PLCB1: variants seen among roughly 807,000 people sequenced by gnomAD.
PLCB1 encodes 1-phosphatidylinositol 4,5-bisphosphate phosphodiesterase beta-1.
PLCB1 carries 46 observed loss-of-function variants against 161.8 expected under a neutral mutation model. The observed-to-expected ratio is 0.28, with a 90% CI of 0.22 to 0.36. PLCB1 has a LOEUF of 0.36. Ranked by LOEUF, PLCB1 falls within the 10% of genes least tolerant of loss-of-function variation. PLCB1 has a pLI of 1.00. For synonymous variants in PLCB1, 517 were observed against 503.7 expected (o/e 1.03, Z -0.35); for missense variants, 1,016 against 1,472.5 (o/e 0.69, Z 5.07).
At chr20:8,509,751 TA>T (rs879622940) in intron 3 of PLCB1, among the ~76,000 whole-genome samples, 82 of 151,764 alleles carry the variant, frequency 5.4e-4, no homozygotes, top group South Asian at 1.9e-3. Flanking sequence ...GATAGATAGA[TA>T]GATAGATAGA....
At chr20:8,682,072 T>C (rs1321547460) in intron 9 of PLCB1, among the ~76,000 whole-genome samples, 1 of 152,206 alleles carries the variant, frequency 6.6e-6, no homozygotes, top group Non-Finnish European at 1.5e-5. Context: ...TGTGTTTTAC[T>C]GTGCTTTATT....
chr20:8,629,135 A>C (rs944197093), intron 4 of PLCB1, among the ~76,000 whole-genome samples: 2 of 151,984 alleles, frequency 1.3e-5, no homozygotes, highest in Admixed American at 6.6e-5. Flanking sequence ...CCCTCTTTAA[A>C]CTTCTTAATC....
intron 27 of PLCB1, among the ~76,000 whole-genome samples, chr20:8,780,575 C>T (rs1229399782): frequency 4.6e-5 from 7 of 152,218 alleles, no homozygotes; most frequent in African/African-American, 1.7e-4. Context: ...TTACAATCCT[C>T]ATGTCTGTCC....
intron 9 of PLCB1, among the ~76,000 whole-genome samples, chr20:8,684,248 AT>A (rs1990300871): frequency 6.8e-6 from 1 of 147,280 alleles, no homozygotes; most frequent in African/African-American, 2.6e-5. Flanking sequence ...TTATTTATTT[AT>A]TTATTTATTT....
Position 8,571,476 on chromosome 20 carries a change from C to T in PLCB1, c.247-56818C>T, listed in dbSNP as rs143528658. Among the ~76,000 whole-genome samples the T allele has an allele frequency of 1.3e-3, 204 of 151,520 alleles. 1 individual carries two copies. The highest frequency in any genetic ancestry group is 4.6e-3 in the African/African-American group (191 of 41,272). On this transcript the variant is annotated intron_variant, in intron 3 of 31. Transcript: ENST00000338037. ...CAGCCGGGGTGACCAAGTGATACTCCGTCTCAAAAAAAAATAATAAATAAA... is the reference window on the plus strand; with the variant it reads ...CAGCCGGGGTGACCAAGTGATACTCTGTCTCAAAAAAAAATAATAAATAAA...
intron 3 of PLCB1, among the ~76,000 whole-genome samples, chr20:8,498,254 C>T (rs1000059259): frequency 7.9e-5 from 12 of 152,136 alleles, no homozygotes; most frequent in African/African-American, 2.7e-4. Flanking sequence ...CGTGCCACCA[C>T]GCCCGGGTAA....
chr20:8,456,657 G>C (rs1197971652), intron 3 of PLCB1, among the ~76,000 whole-genome samples: 1 of 152,140 alleles, frequency 6.6e-6, no homozygotes, highest in East Asian at 1.9e-4. Flanking sequence ...TTTAGCCTGG[G>C]CTGATTTAAC....
intron 3 of PLCB1, among the ~76,000 whole-genome samples, chr20:8,444,638 T>C (rs560570717): frequency 1.3e-4 from 20 of 152,362 alleles, no homozygotes; most frequent in Non-Finnish European, 1.5e-4. Flanking sequence ...TCTTCCACAA[T>C]GGTTGAACTA....
At chr20:8,344,910 A>G (rs1003010756) in intron 2 of PLCB1, among the ~76,000 whole-genome samples, 2 of 152,248 alleles carry the variant, frequency 1.3e-5, no homozygotes, top group African/African-American at 4.8e-5. Flanking sequence ...GAAAGTGAGC[A>G]CAATAGATGC....
intron 3 of PLCB1, among the ~76,000 whole-genome samples, chr20:8,532,057 G>T (rs1022068749): frequency 6.6e-6 from 1 of 152,224 alleles, no homozygotes; most frequent in African/African-American, 2.4e-5. Context: ...TTGGGGTTTA[G>T]AGGGGCCTAT....
chr20:8,517,132 A>G (rs1984164307), intron 3 of PLCB1, among the ~76,000 whole-genome samples: 1 of 152,120 alleles, frequency 6.6e-6, no homozygotes, highest in African/African-American at 2.4e-5. Context: ...CGGGGAGCCC[A>G]CAAGTAATGG....
At chr20:8,744,616 T>TAAATTAAAATA (rs1981057558) in intron 23 of PLCB1, among the ~76,000 whole-genome samples, 2 of 121,220 alleles carry the variant, frequency 1.6e-5, no homozygotes, top group African/African-American at 6.4e-5. Context: ...AAAAATAAAA[T>TAAATTAAAATA]AAATAAAATA....
At chr20:8,275,250 AGTGTGTGTGTGTGTGTGTGT>A (rs3031931) in intron 2 of PLCB1, among the ~76,000 whole-genome samples, 4 of 145,372 alleles carry the variant, frequency 2.8e-5, no homozygotes, top group African/African-American at 5.1e-5. Context: ...CATCAGCGTG[AGTGTGTGTGTGTGTGTGTGT>A]GTGTGTGTGT....
chr20:8,232,584 C>G (rs755847362), intron 2 of PLCB1, among the ~76,000 whole-genome samples: 8 of 152,150 alleles, frequency 5.3e-5, no homozygotes, highest in Non-Finnish European at 7.4e-5. Context: ...TTTGGAGTCT[C>G]TCATTTGCTT....
Position 8,725,403 on chromosome 20 carries a change from C to T in PLCB1, c.1678+651C>T, listed in dbSNP as rs61478355. Among the ~76,000 whole-genome samples the T allele has an allele frequency of 2.7e-3, 412 of 152,128 alleles. 1 individual carries two copies. The highest frequency in any genetic ancestry group is 9.5e-3 in the African/African-American group (395 of 41,504). On this transcript the variant is annotated intron_variant, in intron 16 of 31. Transcript: ENST00000338037. ...AAGATGCTATCAGATTAAGGGAATC[C>T]TTGAAACTTACTAGCCACTTATAAG...
intron 3 of PLCB1, among the ~76,000 whole-genome samples, chr20:8,606,804 C>T (rs566550912): frequency 4.6e-5 from 7 of 152,146 alleles, no homozygotes; most frequent in Non-Finnish European, 7.3e-5. Flanking sequence ...TTTATGAGCC[C>T]TAAACATTTC....
chr20:8,595,969 T>G (rs1342717136), intron 3 of PLCB1, among the ~76,000 whole-genome samples: 2 of 116,340 alleles, frequency 1.7e-5, no homozygotes, highest in African/African-American at 6.1e-5. Context: ...TCTTGTAAAT[T>G]TGTTTGAGTT....
chr20:8,248,641 C>A (rs1980998243), intron 2 of PLCB1: 1 of 151,808 alleles, frequency 6.6e-6, no homozygotes, highest in South Asian at 2.1e-4. Flanking sequence ...CTACTGAGGT[C>A]AAAATTCATG....
intron 3 of PLCB1, among the ~76,000 whole-genome samples, chr20:8,424,740 G>A (rs897548285): frequency 5.9e-5 from 9 of 152,174 alleles, no homozygotes; most frequent in African/African-American, 1.9e-4. Context: ...ACAGTAGAGG[G>A]TGGTGACTGC....
Sources: gnomAD v4.1 joint callset for allele counts (sites outside exome capture counted in the v4.1 genomes callset) on GRCh38, gnomAD v4.1.1 for gene constraint, MANE v1.5 for transcripts, NCBI Gene and HGNC (gene_info 2026-07-23, HGNC 2026-07-21) for gene names.